Variants in GPR39 observed in about 807,000 individuals in gnomAD.
GPR39 encodes the protein zinc sensing receptor.
In GPR39, 23 loss-of-function variants were observed where a neutral mutation model predicts 18.4. That is an observed-to-expected ratio of 1.25 (90% CI 0.90 to 1.77). GPR39 has a LOEUF of 1.77. Ranked by LOEUF, GPR39 falls within the 40% of genes most tolerant of loss-of-function variation. The pLI is 0.00. For synonymous variants in GPR39, 280 were observed against 257.9 expected, an observed-to-expected ratio of 1.09 and a Z score of -0.82; for missense variants, 647 against 602.4, an observed-to-expected ratio of 1.07 and a Z score of -0.78.
chr2:132,515,377 C>T, intron 1 of GPR39, among the ~76,000 whole-genome samples: 1 of 152,194 alleles, frequency 6.6e-6, no homozygotes, highest in East Asian at 1.9e-4. Context: ...ACTGTATCCC[C>T]TGCAGCTAAA....
intron 1 of GPR39, among the ~76,000 whole-genome samples, chr2:132,549,326 C>A (rs1680000772): frequency 6.6e-6 from 1 of 152,192 alleles, no homozygotes; most frequent in African/African-American, 2.4e-5. Context: ...CGAGGGAGGT[C>A]TACTGTGTCG....
At chr2:132,443,134 C>T (rs1680470511) in intron 1 of GPR39, among the ~76,000 whole-genome samples, 1 of 152,074 alleles carries the variant, frequency 6.6e-6, no homozygotes, top group South Asian at 2.1e-4. Flanking sequence ...AAATTTTATA[C>T]ATTGAATACA....
intron 1 of GPR39, among the ~76,000 whole-genome samples, chr2:132,493,574 T>G (rs999979454): frequency 1.3e-5 from 2 of 148,834 alleles, no homozygotes; most frequent in African/African-American, 2.5e-5. Context: ...GGATTGGATA[T>G]GGGGGAGGAG....
intron 1 of GPR39, among the ~76,000 whole-genome samples, chr2:132,468,096 T>G (rs764371135): frequency 1.3e-5 from 2 of 152,178 alleles, no homozygotes; most frequent in Non-Finnish European, 2.9e-5. Context: ...ATACTTGGCA[T>G]GATGGGAAAT....
intron 1 of GPR39, among the ~76,000 whole-genome samples, chr2:132,476,861 G>A (rs1171793556): frequency 6.6e-6 from 1 of 152,106 alleles, no homozygotes; most frequent in Non-Finnish European, 1.5e-5. Context: ...TGGGAAGGAA[G>A]GGAAAGGTTG....
rs146568920 is a variant in GPR39 at position 132,437,156 on chromosome 2, A to G, written c.856+19258A>G. Among the ~76,000 whole-genome samples the G allele has an allele frequency of 5.0e-4, 76 of 152,328 alleles. 1 individual carries two copies. The East Asian group carries it at 0.01, about 21-fold the overall frequency. ...GCTTAAACTTTGATATAGCAAGACA[A>G]TACACACACATGCACAAGTGCACAC... On this transcript the variant is annotated intron_variant, in intron 1 of 1. Transcript: ENST00000329321.
rs1682031118 is a variant in GPR39 at position 132,645,695 on chromosome 2, A to C, written c.*89A>C. ...CTCTGCAGTCTCAAACTATGCCCCC[A>C]TCAGGGATGGAATGGACACTGGAGG... On this transcript the variant is annotated 3_prime_UTR_variant, in exon 2 of 2. Transcript: ENST00000329321. 2 of 1,501,974 alleles carry C rather than the reference A, an allele frequency of 1.3e-6. No individual in the cohort carries two copies. The highest frequency in any genetic ancestry group is 2.1e-5 in the Admixed American group (1 of 46,628). The allele number at this position is 1,501,974 out of a possible 1,614,324, so 93.0% of individuals were successfully genotyped here.
intron 1 of GPR39, among the ~76,000 whole-genome samples, chr2:132,564,604 G>C (rs1487617071): frequency 6.6e-6 from 1 of 151,954 alleles, no homozygotes; most frequent in Non-Finnish European, 1.5e-5. Flanking sequence ...TCTGTGGCTT[G>C]TGCCAGGTGG....
intron 1 of GPR39, among the ~76,000 whole-genome samples, chr2:132,610,033 G>A (rs1681213381): frequency 6.6e-6 from 1 of 151,764 alleles, no homozygotes. Flanking sequence ...TTCCTTACCT[G>A]GAAAGTCTTT....
At chr2:132,557,778 A>G (rs1011255303) in intron 1 of GPR39, among the ~76,000 whole-genome samples, 1 of 152,160 alleles carries the variant, frequency 6.6e-6, no homozygotes, top group Admixed American at 6.5e-5. Flanking sequence ...ACTGGCTTAC[A>G]ATATAGTATC....
At chr2:132,499,079 A>G (rs1471297355) in intron 1 of GPR39, among the ~76,000 whole-genome samples, 3 of 152,098 alleles carry the variant, frequency 2.0e-5, no homozygotes, top group Non-Finnish European at 4.4e-5. Flanking sequence ...CCATCTATTT[A>G]TCTTTGTTTT....
chr2:132,579,748 A>T (rs1016149363), intron 1 of GPR39, among the ~76,000 whole-genome samples: 3 of 152,082 alleles, frequency 2.0e-5, no homozygotes, highest in Admixed American at 2.0e-4. Context: ...AAGAGCAAAC[A>T]AATGTCTTTT....
At chr2:132,562,575 T>G (rs1173867060) in intron 1 of GPR39, among the ~76,000 whole-genome samples, 2 of 150,094 alleles carry the variant, frequency 1.3e-5, no homozygotes, top group East Asian at 4.0e-4. Context: ...AGATCCTATT[T>G]TGTCACTTAC....
intron 1 of GPR39, among the ~76,000 whole-genome samples, chr2:132,537,500 A>ATT (rs139929782): frequency 5.1e-5 from 7 of 136,962 alleles, no homozygotes; most frequent in Admixed American, 1.4e-4. Context: ...TTCCCTTAAC[A>ATT]TTTTTTTTTT....
intron 1 of GPR39, among the ~76,000 whole-genome samples, chr2:132,515,825 T>G (rs1034972169): frequency 3.3e-5 from 5 of 152,188 alleles, no homozygotes; most frequent in African/African-American, 1.2e-4. Flanking sequence ...CAGGGCTTGC[T>G]AAGTTCCTCC....
intron 1 of GPR39, among the ~76,000 whole-genome samples, chr2:132,616,489 G>A (rs977820103): frequency 6.6e-6 from 1 of 152,232 alleles, no homozygotes; most frequent in Non-Finnish European, 1.5e-5. Flanking sequence ...AAAGAATGCA[G>A]AGTGGAGATT....
chr2:132,630,116 A>C (rs989540442), intron 1 of GPR39, among the ~76,000 whole-genome samples: 8 of 152,194 alleles, frequency 5.3e-5, no homozygotes, highest in African/African-American at 1.9e-4. Flanking sequence ...AGACATAGAC[A>C]TAGACATAGG....
intron 1 of GPR39, among the ~76,000 whole-genome samples, chr2:132,578,067 G>GTTTTT (rs34297392): frequency 6.8e-5 from 9 of 131,758 alleles, no homozygotes; most frequent in African/African-American, 1.7e-4. Context: ...TTTTTCTAGA[G>GTTTTT]TTTTTTTTTT....
At chr2:132,636,610 G>A (rs990431376) in intron 1 of GPR39, among the ~76,000 whole-genome samples, 1 of 152,232 alleles carries the variant, frequency 6.6e-6, no homozygotes, top group Non-Finnish European at 1.5e-5. Flanking sequence ...GGACTCATGG[G>A]CTGTGTAAAT....
Sources: gnomAD v4.1 joint callset for allele counts (sites outside exome capture counted in the v4.1 genomes callset) on GRCh38, gnomAD v4.1.1 for gene constraint, MANE v1.5 for transcripts, NCBI Gene and HGNC (gene_info 2026-07-23, HGNC 2026-07-21) for gene names.